Variants in OR1J2 observed in about 807,000 individuals in gnomAD.
OR1J2 encodes olfactory receptor family 1 subfamily J member 2.
For missense variants in OR1J2, 304 were observed against 246.1 expected (o/e 1.24, Z -1.57); for synonymous variants, 142 against 99.7 (o/e 1.42, Z -2.52).
the OR1J2 span, among the ~76,000 whole-genome samples, chr9:122,457,552 A>C: frequency 6.6e-6 from 1 of 152,094 alleles, no homozygotes; most frequent in African/African-American, 2.4e-5. Context: ...AAAAGTTCTC[A>C]AACAAGAAAC....
chr9:122,494,251 G>A, the OR1J2 span, among the ~76,000 whole-genome samples: 1 of 152,100 alleles, frequency 6.6e-6, no homozygotes, highest in Non-Finnish European at 1.5e-5. Flanking sequence ...TTTCTGTCTT[G>A]ATAACCTGTC....
the OR1J2 span, among the ~76,000 whole-genome samples, chr9:122,560,274 CTT>C: frequency 1.3e-5 from 2 of 152,184 alleles, no homozygotes; most frequent in East Asian, 1.9e-4. Context: ...GGTCTTGACT[CTT>C]TATCCAGTTT....
At chr9:122,486,213 G>T in the OR1J2 span, among the ~76,000 whole-genome samples, 1 of 152,140 alleles carries the variant, frequency 6.6e-6, no homozygotes, top group East Asian at 1.9e-4. Flanking sequence ...ACCCACCTTG[G>T]CCTCCCAAAG....
At chr9:122,491,043 C>T in the OR1J2 span, among the ~76,000 whole-genome samples, 1 of 152,064 alleles carries the variant, frequency 6.6e-6, no homozygotes, top group African/African-American at 2.4e-5. Context: ...AGAGAGTGAC[C>T]ATGATGTTAG....
chr9:122,551,830 G>A, the OR1J2 span, among the ~76,000 whole-genome samples: 2 of 152,046 alleles, frequency 1.3e-5, no homozygotes, highest in Admixed American at 6.6e-5. Context: ...TCTTATGCCC[G>A]GGGAAGCTGA....
the OR1J2 span, among the ~76,000 whole-genome samples, chr9:122,497,626 C>T: frequency 2.5e-3 from 387 of 152,018 alleles, no homozygotes; most frequent in African/African-American, 8.6e-3. Flanking sequence ...CTTTTGGTTT[C>T]ATTTATTATT....
At chr9:122,503,216 C>A in the OR1J2 span, among the ~76,000 whole-genome samples, 2 of 152,196 alleles carry the variant, frequency 1.3e-5, no homozygotes, top group East Asian at 1.9e-4. Flanking sequence ...TAAGGCATGG[C>A]GGAGGGAAAG....
chr9:122,526,594 T>A, the OR1J2 span: 1 of 1,614,014 alleles, frequency 6.2e-7, no homozygotes, highest in Middle Eastern at 1.6e-4. Context: ...GAAAAGGCCT[T>A]GCCCACCCCA....
the OR1J2 span, among the ~76,000 whole-genome samples, chr9:122,542,375 G>C: frequency 1.3e-3 from 200 of 152,282 alleles, no homozygotes; most frequent in African/African-American, 4.6e-3. Flanking sequence ...AATAGGGTAA[G>C]TAATATTTAG....
chr9:122,488,193 A>G, the OR1J2 span, among the ~76,000 whole-genome samples: 2 of 152,240 alleles, frequency 1.3e-5, no homozygotes, highest in African/African-American at 2.4e-5. Flanking sequence ...GCTGGAGTGC[A>G]GTGGCATGAT....
chr9:122,534,613 G>C, the OR1J2 span, among the ~76,000 whole-genome samples: 9 of 152,136 alleles, frequency 5.9e-5, no homozygotes, highest in Non-Finnish European at 1.2e-4. Context: ...AGGATTATAG[G>C]GTGGAGGAGC....
At chr9:122,480,294 A>G in the OR1J2 span, among the ~76,000 whole-genome samples, 2 of 152,220 alleles carry the variant, frequency 1.3e-5, no homozygotes, top group Admixed American at 1.3e-4. Flanking sequence ...GTGCATTATA[A>G]ATCAGTGATA....
Position 122,510,899 on chromosome 9 carries a change from G to C in OR1J2, c.98G>C (p.Gly33Ala), listed in dbSNP as rs1364513615. The change falls in exon 1 of 1, where the codon GGC (glycine) becomes GCC (alanine). Residue 33 changes from glycine (G) to alanine (A), a missense_variant. By Grantham distance (60) the Gly-to-Ala change is moderately conservative. Coordinates refer to ENST00000335302, the MANE Select transcript of OR1J2 (RefSeq NM_054107.1). Reference sequence around the variant, plus strand: ...GCTGTGTTCTTCACCCTGTTCCTGGGCATGTACCTGACCACGGTGCTGGGG... The same window carrying C: ...GCTGTGTTCTTCACCCTGTTCCTGGCCATGTACCTGACCACGGTGCTGGGG... ...QQAVFFTLFL[G>A]MYLTTVLGNL... 6.2e-7 allele frequency: 1 copy of C among 1,611,816 alleles called. No homozygotes were observed. The highest frequency in any genetic ancestry group is 1.7e-5 in the Admixed American group (1 of 59,994).
the OR1J2 span, among the ~76,000 whole-genome samples, chr9:122,499,763 A>T: frequency 6.6e-6 from 1 of 152,210 alleles, no homozygotes; most frequent in Non-Finnish European, 1.5e-5. Context: ...TGGGCAGCTC[A>T]TGCTGCTAGT....
upstream of OR1J2, among the ~76,000 whole-genome samples, chr9:122,507,918 G>C (rs933845589): frequency 5.3e-5 from 8 of 152,104 alleles, no homozygotes; most frequent in South Asian, 1.7e-3. Context: ...AAACCTTATG[G>C]GGTATAATTG....
the OR1J2 span, among the ~76,000 whole-genome samples, chr9:122,478,987 C>T: frequency 1.3e-5 from 2 of 152,150 alleles, no homozygotes; most frequent in Non-Finnish European, 2.9e-5. Flanking sequence ...CTCAGCCTCC[C>T]AGAGTGCTGG....
chr9:122,478,056 C>T, the OR1J2 span: 1 of 647,228 alleles, frequency 1.5e-6, no homozygotes, highest in South Asian at 2.9e-5. Flanking sequence ...TTCATATTTT[C>T]TTACATTTGC....
At chr9:122,481,363 A>C in the OR1J2 span, among the ~76,000 whole-genome samples, 1 of 152,112 alleles carries the variant, frequency 6.6e-6, no homozygotes, top group South Asian at 2.1e-4. Context: ...GATAACATTA[A>C]AATGAAGTTT....
chr9:122,532,827 A>G, the OR1J2 span, among the ~76,000 whole-genome samples: 1 of 152,096 alleles, frequency 6.6e-6, no homozygotes, highest in Non-Finnish European at 1.5e-5. Flanking sequence ...TTCTGACCGC[A>G]CTAACCATGC....
Sources: gnomAD v4.1 joint callset for allele counts (sites outside exome capture counted in the v4.1 genomes callset) on GRCh38, gnomAD v4.1.1 for gene constraint, MANE v1.5 for transcripts, NCBI Gene and HGNC (gene_info 2026-07-23, HGNC 2026-07-21) for gene names.